TFEC: variants seen among roughly 807,000 people sequenced by gnomAD.
TFEC encodes transcription factor EC, also known as class E basic helix-loop-helix protein 34.
Under a neutral mutation model 41.6 loss-of-function variants are expected in TFEC, and 31 were observed. The observed-to-expected ratio is 0.74, with a 90% confidence interval of 0.56 to 1.01. The LOEUF (loss-of-function observed/expected upper bound fraction) is 1.01. Among genes scored for constraint, TFEC ranks in the 50% least tolerant of loss-of-function variants. The probability of loss-of-function intolerance (pLI) is 0.00; values close to 1 mark genes in which losing one functional copy is unlikely to be tolerated. For missense variants in TFEC, 402 were observed against 404.1 expected (o/e 0.99, Z 0.04); for synonymous variants, 143 against 140.6 (o/e 1.02, Z -0.12).
At position 115,958,477 on chromosome 7, in the gene TFEC, G is replaced by A. The variant is rs10216081; in HGVS notation, c.268-1684C>T. Reference sequence around the variant, plus strand: ...AAAGGGAGTGAGGGGGACAGAACTAGGAAAAGGGCACTTTCCCTCTGAAGA... The same window carrying A: ...AAAGGGAGTGAGGGGGACAGAACTAAGAAAAGGGCACTTTCCCTCTGAAGA... On this transcript the variant is annotated intron_variant, in intron 3 of 7. Coordinates refer to ENST00000265440, the MANE Select transcript of TFEC (RefSeq NM_012252.4). Among the ~76,000 whole-genome samples, 1,194 of 151,894 alleles carry A rather than the reference G, an allele frequency of 7.9e-3. 12 individuals carry two copies. Among genetic ancestry groups the A allele is most frequent in the African/African-American group, 0.026 (1,083 of 41,476 alleles).
intron 1 of TFEC, among the ~76,000 whole-genome samples, chr7:116,003,842 A>C (rs1174555777): frequency 6.6e-6 from 1 of 152,156 alleles, no homozygotes; most frequent in Non-Finnish European, 1.5e-5. Context: ...GCTAAAAAAA[A>C]CCCTCAAAAT....
intron 3 of TFEC, among the ~76,000 whole-genome samples, chr7:116,089,355 G>A (rs1268643809): frequency 6.6e-6 from 1 of 152,016 alleles, no homozygotes; most frequent in Non-Finnish European, 1.5e-5. Context: ...TTTAGTGGAA[G>A]AATGACAAAA....
chr7:116,037,021 C>T (rs1053080556), intron 3 of TFEC, among the ~76,000 whole-genome samples: 1 of 151,984 alleles, frequency 6.6e-6, no homozygotes, highest in Non-Finnish European at 1.5e-5. Flanking sequence ...TGGCAGCTAA[C>T]GCACTTTTGG....
intron 3 of TFEC, chr7:115,968,311 A>C (rs1426015708): frequency 2.7e-6 from 4 of 1,494,586 alleles, no homozygotes; most frequent in Non-Finnish European, 3.5e-6. Context: ...TTCTACACTA[A>C]AGTGAACTTT....
chr7:116,079,538 G>A (rs1797040499), intron 3 of TFEC, among the ~76,000 whole-genome samples: 1 of 151,954 alleles, frequency 6.6e-6, no homozygotes, highest in South Asian at 2.1e-4. Context: ...TACCAACAGT[G>A]ACCAAGCTGA....
At position 115,978,970 on chromosome 7, in the gene TFEC, G is replaced by A. The variant is rs78056185; in HGVS notation, c.181-4714C>T. On this transcript the variant is annotated intron_variant, in intron 2 of 7. Transcript: ENST00000265440. ...TCATTCAAGATTTCAAAGACCATCCGTATGCTGACAACCTCAAATCTCTTC... is the reference window on the plus strand; with the variant it reads ...TCATTCAAGATTTCAAAGACCATCCATATGCTGACAACCTCAAATCTCTTC... 8.6e-4 allele frequency among the ~76,000 whole-genome samples: 131 copies of A among 152,228 alleles called. No homozygotes were observed. In the East Asian group the frequency reaches 0.017, roughly 20 times the overall value.
intron 3 of TFEC, among the ~76,000 whole-genome samples, chr7:116,037,415 G>A (rs1014577255): frequency 6.6e-6 from 1 of 151,890 alleles, no homozygotes; most frequent in Non-Finnish European, 1.5e-5. Context: ...TATAGAAAAC[G>A]AAATCAGACA....
intron 3 of TFEC, among the ~76,000 whole-genome samples, chr7:116,048,565 T>G (rs1242942520): frequency 1.3e-5 from 2 of 152,212 alleles, no homozygotes; most frequent in Non-Finnish European, 2.9e-5. Flanking sequence ...CTTCAGGATA[T>G]TATCCAGGAG....
Position 116,070,219 on chromosome 7 carries a change from C to T in TFEC, c.198+40489G>A, listed in dbSNP as rs977460974. On this transcript the variant is annotated intron_variant, in intron 3 of 8. Coordinates refer to the TFEC transcript ENST00000484212. ...TTTCAAAATTTCCGAAGAAATTCAA[C>T]CTTGTTAATTATTAATAAAACCTAT... 2.0e-5 allele frequency among the ~76,000 whole-genome samples: 3 copies of T among 151,128 alleles called. No homozygotes were observed. The Admixed American group carries it at 2.0e-4, about 10-fold the overall frequency.
intron 6 of TFEC, among the ~76,000 whole-genome samples, chr7:115,942,739 A>G (rs1428352170): frequency 6.6e-6 from 1 of 152,080 alleles, no homozygotes; most frequent in African/African-American, 2.4e-5. Context: ...ATAGCATAGA[A>G]GAAATCATTT....
At chr7:116,096,831 C>A (rs1290058294) in intron 3 of TFEC, among the ~76,000 whole-genome samples, 2 of 151,948 alleles carry the variant, frequency 1.3e-5, no homozygotes, top group Admixed American at 1.3e-4. Flanking sequence ...GTGGCTCACG[C>A]CTGTAATCCC....
rs186388429 is a variant in TFEC, at chr7:115,987,729, G to A, written c.-72-3216C>T. Among the ~76,000 whole-genome samples the A allele has an allele frequency of 1.3e-3, 194 of 151,956 alleles. 2 individuals are homozygous for A. Among genetic ancestry groups the A allele is most frequent in the Non-Finnish European group, 2.1e-4 (14 of 67,950 alleles). ...TAGCCCAGAGAATGACAGACAGCAG[G>A]CACACAAAAATGTGTTTATATGTGC... On this transcript the variant is annotated intron_variant, in intron 1 of 7. Coordinates refer to ENST00000265440, the MANE Select transcript of TFEC (RefSeq NM_012252.4).
Position 115,993,498 on chromosome 7 carries a change from C to A in TFEC, c.-72-8985G>T, listed in dbSNP as rs544796442. Among the ~76,000 whole-genome samples the A allele has an allele frequency of 2.0e-5, 3 of 152,318 alleles. No individual in the cohort carries two copies. In the South Asian group the frequency reaches 6.2e-4, roughly 32 times the overall value. ...AAAATCTCCTTAAGCTGATAAGCAA[C>A]TTCAGCAAAGTCTCAGGATATAAAA... is the stretch of plus-strand genomic sequence containing the variant. On this transcript the variant is annotated intron_variant, in intron 1 of 7. Coordinates refer to ENST00000265440, the MANE Select transcript of TFEC (RefSeq NM_012252.4).
At chr7:115,993,804 C>A (rs986419198) in intron 1 of TFEC, among the ~76,000 whole-genome samples, 1 of 148,040 alleles carries the variant, frequency 6.8e-6, no homozygotes, top group African/African-American at 2.4e-5. Flanking sequence ...AGATTCAATA[C>A]CATCCCCATC....
chr7:115,993,317 C>T (rs1456386675), intron 1 of TFEC, among the ~76,000 whole-genome samples: 1 of 152,198 alleles, frequency 6.6e-6, no homozygotes, highest in Non-Finnish European at 1.5e-5. Flanking sequence ...TGCCCTCTAT[C>T]ACCACTCCTA....
chr7:115,971,736 T>C (rs1478246569), intron 3 of TFEC, among the ~76,000 whole-genome samples: 1 of 151,974 alleles, frequency 6.6e-6, no homozygotes, highest in South Asian at 2.1e-4. Context: ...GGAATGGATG[T>C]CTGAAAAAAA....
At chr7:116,127,828 A>G (rs1798247669) in intron 1 of TFEC, among the ~76,000 whole-genome samples, 1 of 151,994 alleles carries the variant, frequency 6.6e-6, no homozygotes, top group Non-Finnish European at 1.5e-5. Flanking sequence ...ATAGCATGTT[A>G]TGGCTTATCT....
chr7:115,979,892 A>G lies in TFEC; in HGVS notation c.180+4370T>C, dbSNP rs566105319. ...ACCAATTTTCCTGATTCAGGCTATA[A>G]CTAAATTGCACTGTAATATTCTGTC... On this transcript the variant is annotated intron_variant, in intron 2 of 7. Coordinates refer to ENST00000265440, the MANE Select transcript of TFEC (RefSeq NM_012252.4). Among the ~76,000 whole-genome samples the G allele has an allele frequency of 2.3e-4, 35 of 152,216 alleles. No homozygotes were observed. In the South Asian group the frequency reaches 7.3e-3, roughly 32 times the overall value.
intron 1 of TFEC, among the ~76,000 whole-genome samples, chr7:116,123,450 T>C (rs1156316800): frequency 1.3e-5 from 2 of 152,208 alleles, no homozygotes; most frequent in East Asian, 3.9e-4. Context: ...TCTTTTATGA[T>C]ACACCACAAG....
Sources: allele counts gnomAD v4.1 joint callset (sites outside exome capture counted in the v4.1 genomes callset), GRCh38; gene constraint gnomAD v4.1.1; transcripts MANE v1.5; gene names NCBI Gene and HGNC (gene_info 2026-07-23, HGNC 2026-07-21).